The following CSMD3 variants were observed in gnomAD, a reference collection of about 807,000 sequenced individuals.
CSMD3 encodes the protein CUB and sushi domain-containing protein 3.
CSMD3 carries 177 observed loss-of-function variants against 435.2 expected under a neutral mutation model. The observed-to-expected ratio is 0.41, with a 90% CI of 0.36 to 0.46. CSMD3 has a LOEUF of 0.46. CSMD3 is among the 20% of genes least tolerant of loss of function. The pLI is 0.34. For synonymous variants in CSMD3, 1,656 were observed against 1,520.5 expected, an observed-to-expected ratio of 1.09 and a Z score of -2.07; for missense variants, 4,265 against 4,504.6, an observed-to-expected ratio of 0.95 and a Z score of 1.52.
intron 3 of CSMD3, among the ~76,000 whole-genome samples, chr8:113,238,814 G>A (rs958213613): frequency 5.9e-5 from 9 of 152,056 alleles, no homozygotes; most frequent in Non-Finnish European, 8.8e-5. Context: ...GGCACTTATA[G>A]GATAGGGAAG....
chr8:112,562,849 T>C (rs1828751792), intron 24 of CSMD3, among the ~76,000 whole-genome samples: 1 of 151,714 alleles, frequency 6.6e-6, no homozygotes. Context: ...ATATCAACTT[T>C]TATTAACATA....
At chr8:112,647,237 A>AT (rs1197350881) in intron 19 of CSMD3, among the ~76,000 whole-genome samples, 1 of 151,534 alleles carries the variant, frequency 6.6e-6, no homozygotes, top group East Asian at 1.9e-4. Flanking sequence ...ATGAATATAT[A>AT]AAAAAAATTC....
At chr8:112,532,430 C>T (rs1825632521) in intron 27 of CSMD3, among the ~76,000 whole-genome samples, 1 of 152,040 alleles carries the variant, frequency 6.6e-6, no homozygotes. Flanking sequence ...ATCAAACTCT[C>T]AAATGTCAAG....
In CSMD3 at chr8:112,311,301, C is replaced by A; in HGVS notation, c.7697-135G>T. The A allele has an allele frequency of 2.4e-5, 17 of 718,088 alleles. 1 individual carries two copies. In the South Asian group the frequency reaches 2.6e-4, roughly 11 times the overall value. The allele number at this position is 718,088 out of a possible 1,614,324, so 44.5% of individuals were successfully genotyped here. A position where few individuals can be genotyped will look rare whatever the true frequency, so the allele number is the denominator to read the frequency against. On this transcript the variant is annotated intron_variant, in intron 49 of 70. Transcript: ENST00000297405. ...CTATGTAAATTTTACTTCATATGAACAACATATTGTGCTCTTTCCTCTTTT... is the reference window on the plus strand; with the variant it reads ...CTATGTAAATTTTACTTCATATGAAAAACATATTGTGCTCTTTCCTCTTTT...
intron 10 of CSMD3, among the ~76,000 whole-genome samples, chr8:112,879,152 T>C (rs1008973834): frequency 3.9e-4 from 60 of 152,176 alleles, no homozygotes; most frequent in African/African-American, 1.3e-3. Flanking sequence ...GTAAGAGAAA[T>C]GTCGCTGAAT....
At chr8:113,334,819 T>G (rs183088643) in intron 1 of CSMD3, among the ~76,000 whole-genome samples, 1 of 152,222 alleles carries the variant, frequency 6.6e-6, no homozygotes, top group Admixed American at 6.6e-5. Context: ...ATCGGTGCAT[T>G]TTGTCTTAAG....
intron 32 of CSMD3, among the ~76,000 whole-genome samples, chr8:112,445,143 T>C (rs1333575982): frequency 6.6e-6 from 1 of 152,004 alleles, no homozygotes; most frequent in Non-Finnish European, 1.5e-5. Flanking sequence ...CTCGAGAGGC[T>C]GAGACACGAG....
chr8:112,361,559 A>G (rs1324856136), intron 38 of CSMD3, among the ~76,000 whole-genome samples: 1 of 137,560 alleles, frequency 7.3e-6, no homozygotes, highest in African/African-American at 2.7e-5. Context: ...GTGTATGTAT[A>G]TATATACACA....
rs150074971 is a variant in CSMD3 at position 112,650,106 on chromosome 8, C to T, written c.3193+55G>A. On this transcript the variant is annotated intron_variant, in intron 19 of 70. Transcript: ENST00000297405. Reference sequence around the variant, plus strand: ...ATGTTAAACCCCATATAAAAAACTACATTGATTTTTCTGTTTATAAATCAG... The same window carrying T: ...ATGTTAAACCCCATATAAAAAACTATATTGATTTTTCTGTTTATAAATCAG... 6,106 of 1,270,626 alleles carry T rather than the reference C, an allele frequency of 4.8e-3. 29 individuals are homozygous for T. The highest frequency in any genetic ancestry group is 0.013 in the Middle Eastern group (65 of 5,056). 78.7% of individuals were successfully genotyped at this position (1,270,626 alleles called of 1,614,324 possible). A position where few individuals can be genotyped will look rare whatever the true frequency, so the allele number is the denominator to read the frequency against.
intron 13 of CSMD3, among the ~76,000 whole-genome samples, chr8:112,744,766 T>C (rs2077390391): frequency 6.6e-6 from 1 of 152,062 alleles, no homozygotes; most frequent in Admixed American, 6.6e-5. Context: ...AAACAAGAAA[T>C]GAGACAGCTT....
chr8:112,517,847 G>T (rs1823843505), intron 27 of CSMD3, among the ~76,000 whole-genome samples: 1 of 152,122 alleles, frequency 6.6e-6, no homozygotes, highest in Non-Finnish European at 1.5e-5. Flanking sequence ...CTCTGGAAAG[G>T]ATTATGGCAC....
intron 7 of CSMD3, among the ~76,000 whole-genome samples, chr8:112,974,569 A>C (rs2084776090): frequency 6.6e-6 from 1 of 151,842 alleles, no homozygotes; most frequent in South Asian, 2.1e-4. Flanking sequence ...ACAAATTTTA[A>C]CACGGTCCCT....
chr8:112,694,431 T>G (rs974470382), intron 13 of CSMD3, among the ~76,000 whole-genome samples: 2 of 152,158 alleles, frequency 1.3e-5, no homozygotes. Flanking sequence ...TCATTCTTAG[T>G]CATTATTATA....
intron 5 of CSMD3, among the ~76,000 whole-genome samples, chr8:113,043,014 A>G (rs949686531): frequency 6.6e-6 from 1 of 152,178 alleles, no homozygotes. Context: ...CAACATATAT[A>G]AACAAAATTA....
At chr8:112,333,564 G>C (rs926137121) in intron 45 of CSMD3, among the ~76,000 whole-genome samples, 1 of 152,090 alleles carries the variant, frequency 6.6e-6, no homozygotes, top group Non-Finnish European at 1.5e-5. Flanking sequence ...GAGGATATAT[G>C]TTTATATATT....
intron 38 of CSMD3, among the ~76,000 whole-genome samples, chr8:112,356,417 A>G (rs1826604978): frequency 6.6e-6 from 1 of 152,294 alleles, no homozygotes; most frequent in East Asian, 1.9e-4. Flanking sequence ...TAAAAAACCA[A>G]ATACCACATA....
At chr8:112,793,196 A>G (rs1199307627) in intron 13 of CSMD3, among the ~76,000 whole-genome samples, 1 of 147,258 alleles carries the variant, frequency 6.8e-6, no homozygotes, top group Non-Finnish European at 1.5e-5. Flanking sequence ...TACTATATAA[A>G]TATTATATAT....
intron 9 of CSMD3, among the ~76,000 whole-genome samples, chr8:112,924,329 A>G (rs2082842845): frequency 6.6e-6 from 1 of 152,180 alleles, no homozygotes; most frequent in Non-Finnish European, 1.5e-5. Context: ...AGTAGCTACA[A>G]GCTAATGATG....
intron 1 of CSMD3, among the ~76,000 whole-genome samples, chr8:113,407,701 G>A (rs1588675187): frequency 6.6e-6 from 1 of 152,026 alleles, no homozygotes; most frequent in Non-Finnish European, 1.5e-5. Context: ...CTCTGAAGCA[G>A]GTACAAGCTG....
Sources: allele counts gnomAD v4.1 joint callset (sites outside exome capture counted in the v4.1 genomes callset), GRCh38; gene constraint gnomAD v4.1.1; transcripts MANE v1.5; gene names NCBI Gene and HGNC (gene_info 2026-07-23, HGNC 2026-07-21).